Variants in C10orf90 observed in about 807,000 individuals in gnomAD.
C10orf90 encodes chromosome 10 open reading frame 90.
Under a neutral mutation model 62.5 loss-of-function variants are expected in C10orf90, and 56 were observed. That is an observed-to-expected ratio of 0.90 (90% CI 0.72 to 1.12). The LOEUF (loss-of-function observed/expected upper bound fraction) is 1.12, where lower values mean the gene tolerates loss of function less well. Among genes scored for constraint, C10orf90 ranks in the 50% most tolerant of loss-of-function variants. The pLI, the probability that C10orf90 is intolerant of heterozygous loss-of-function variation, is 0.00. For missense variants in C10orf90, 970 were observed against 880.4 expected, an observed-to-expected ratio of 1.10 and a Z score of -1.29; for synonymous variants, 386 against 340.4, an observed-to-expected ratio of 1.13 and a Z score of -1.47.
chr10:126,546,398 G>A (rs1032741173), intron 2 of C10orf90, among the ~76,000 whole-genome samples: 2 of 152,208 alleles, frequency 1.3e-5, no homozygotes, highest in Non-Finnish European at 2.9e-5. Context: ...CACTTGGAGA[G>A]CCTAGACTTC....
chr10:126,633,633 C>T (rs12765458), intron 2 of C10orf90, among the ~76,000 whole-genome samples: 10,152 of 152,272 alleles, frequency 0.067, 364 homozygotes, highest in Middle Eastern at 0.13. Context: ...GGGAGATGTC[C>T]GACTTCCTGG....
chr10:126,594,532 C>T (rs977625191), intron 2 of C10orf90, among the ~76,000 whole-genome samples: 4 of 151,996 alleles, frequency 2.6e-5, no homozygotes, highest in Non-Finnish European at 4.4e-5. Flanking sequence ...TGAACCAGCC[C>T]GTGAGGCAGC....
chr10:126,460,772 T>C (rs981363821), intron 6 of C10orf90, among the ~76,000 whole-genome samples: 5 of 152,262 alleles, frequency 3.3e-5, no homozygotes, highest in African/African-American at 1.2e-4. Flanking sequence ...CAACTGCAAC[T>C]GCAGGGAGAT....
intron 7 of C10orf90, among the ~76,000 whole-genome samples, chr10:126,458,745 G>T (rs1202802965): frequency 1.3e-5 from 2 of 152,216 alleles, no homozygotes; most frequent in Admixed American, 1.3e-4. Context: ...TAGGAGCCAA[G>T]AATTTGAACT....
At chr10:126,516,622 C>T (rs142622331) in intron 2 of C10orf90, among the ~76,000 whole-genome samples, 51 of 152,296 alleles carry the variant, frequency 3.3e-4, no homozygotes, top group Middle Eastern at 6.8e-3. Flanking sequence ...GGAGATGCCT[C>T]GTCTCCAGCA....
intron 1 of C10orf90, among the ~76,000 whole-genome samples, chr10:126,659,971 T>G (rs1378412106): frequency 6.6e-6 from 1 of 152,250 alleles, no homozygotes; most frequent in Non-Finnish European, 1.5e-5. Context: ...CAGGGGCACA[T>G]GGTGAGCTAG....
intron 2 of C10orf90, among the ~76,000 whole-genome samples, chr10:126,565,426 T>TATATTATATAATA (rs1375705834): frequency 0.5 from 28,254 of 56,708 alleles, 5,667 homozygotes; most frequent in Non-Finnish European, 0.58. Flanking sequence ...TTATATATAT[T>TATATTATATAATA]ATATATATTA....
intron 2 of C10orf90, among the ~76,000 whole-genome samples, chr10:126,596,148 A>G (rs929190791): frequency 1.3e-5 from 2 of 151,158 alleles, no homozygotes; most frequent in Non-Finnish European, 3.0e-5. Flanking sequence ...TAAAAAAAAA[A>G]AAAAAAAAGC....
Position 126,426,106 on chromosome 10 carries a change from A to C in C10orf90, c.2253-16T>G. 6.2e-7 allele frequency: 1 copy of C among 1,602,736 alleles called. No individual in the cohort carries two copies. The highest frequency in any genetic ancestry group is 1.3e-5 in the African/African-American group (1 of 74,798). On this transcript the variant is annotated splice_polypyrimidine_tract_variant and intron_variant, in intron 8 of 9. Coordinates refer to ENST00000488181, the MANE Select transcript of C10orf90 (RefSeq NM_001350921.2). The stretch of plus-strand genomic sequence containing the variant: ...ATCATAGATTCTGAAACAGATTCGG[A>C]AAACATTTGGAATGGTAGCTTGACA...
At chr10:126,519,973 C>T (rs568801543) in intron 2 of C10orf90, among the ~76,000 whole-genome samples, 1 of 152,152 alleles carries the variant, frequency 6.6e-6, no homozygotes, top group African/African-American at 2.4e-5. Context: ...CAAGCCCCCT[C>T]ATGGTTCTCT....
At chr10:126,662,433 T>C (rs1465887749) in intron 1 of C10orf90, among the ~76,000 whole-genome samples, 1 of 152,190 alleles carries the variant, frequency 6.6e-6, no homozygotes, top group Non-Finnish European at 1.5e-5. Context: ...ACAGCACAGA[T>C]TAATTTTCAG....
rs572959784 is a variant in C10orf90, at chr10:126,456,480, A to T, written c.2188+2560T>A. ...GCCTGGTTACCTTTTATTACATACA[A>T]TTTTAAGACTTCCATTTAAAAGAAT... On this transcript the variant is annotated intron_variant, in intron 7 of 9. Coordinates refer to ENST00000488181, the MANE Select transcript of C10orf90 (RefSeq NM_001350921.2). This position sits in a 1 kb window ranked among gnomAD's most constrained non-coding sequence, Gnocchi z 4.9. 6.6e-6 allele frequency among the ~76,000 whole-genome samples: 1 copy of T among 152,188 alleles called. No individual in the cohort carries two copies. Among genetic ancestry groups the T allele is most frequent in the Non-Finnish European group, 1.5e-5 (1 of 68,038 alleles).
intron 3 of C10orf90, among the ~76,000 whole-genome samples, chr10:126,512,309 CTGTGTG>C (rs142351215): frequency 7.8e-6 from 1 of 128,308 alleles, no homozygotes; most frequent in Non-Finnish European, 1.6e-5. Context: ...GTGTGTGTGT[CTGTGTG>C]TGTGTGTGTT....
At chr10:126,667,430 T>C (rs1846653415) in intron 1 of C10orf90, among the ~76,000 whole-genome samples, 1 of 152,080 alleles carries the variant, frequency 6.6e-6, no homozygotes, top group Non-Finnish European at 1.5e-5. Flanking sequence ...TTGAAAAATA[T>C]CAGGAGGCAT....
At chr10:126,574,600 G>A (rs1844573048) in intron 2 of C10orf90, among the ~76,000 whole-genome samples, 1 of 152,000 alleles carries the variant, frequency 6.6e-6, no homozygotes, top group Non-Finnish European at 1.5e-5. Flanking sequence ...AGGGATGCAA[G>A]GGTGGCTTAA....
chr10:126,658,704 G>T (rs1401205291), intron 1 of C10orf90, among the ~76,000 whole-genome samples: 29 of 152,170 alleles, frequency 1.9e-4, no homozygotes, highest in Non-Finnish European at 2.9e-5. Flanking sequence ...AGAATAGAAT[G>T]AAAATTATTT....
At chr10:126,628,810 C>T (rs1044746988) in intron 2 of C10orf90, among the ~76,000 whole-genome samples, 2 of 152,206 alleles carry the variant, frequency 1.3e-5, no homozygotes, top group African/African-American at 4.8e-5. Context: ...CTGCCCACCA[C>T]TCACTCTCCA....
chr10:126,523,991 C>A (rs993039766), intron 2 of C10orf90, among the ~76,000 whole-genome samples: 1 of 152,176 alleles, frequency 6.6e-6, no homozygotes, highest in East Asian at 1.9e-4. Flanking sequence ...CACTAGTCAC[C>A]GCTTAGCTAT....
chr10:126,505,299 G>A (rs1413302657), intron 3 of C10orf90, among the ~76,000 whole-genome samples: 3 of 152,138 alleles, frequency 2.0e-5, no homozygotes, highest in African/African-American at 7.2e-5. Context: ...GGAAACATTG[G>A]CCTGAGTCAT....
Sources: gnomAD v4.1 joint callset for allele counts (sites outside exome capture counted in the v4.1 genomes callset) on GRCh38, gnomAD v4.1.1 for gene constraint, Gnocchi (gnomAD v3.1) non-coding constraint, MANE v1.5 for transcripts, NCBI Gene and HGNC (gene_info 2026-07-23, HGNC 2026-07-21) for gene names.